GRID2: variants seen among roughly 807,000 people sequenced by gnomAD.
GRID2 encodes glutamate receptor ionotropic, delta-2.
GRID2 carries 33 observed loss-of-function variants against 114.8 expected under a neutral mutation model. The observed-to-expected ratio is 0.29, with a 90% CI of 0.22 to 0.38. The LOEUF (loss-of-function observed/expected upper bound fraction) is 0.38, where lower values mean the gene tolerates loss of function less well. Among genes scored for constraint, GRID2 ranks in the 10% least tolerant of loss-of-function variants. The probability of loss-of-function intolerance (pLI) is 1.00; values close to 1 mark genes in which losing one functional copy is unlikely to be tolerated. For synonymous variants in GRID2, 505 were observed against 449.9 expected (o/e 1.12, Z -1.55); for missense variants, 1,184 against 1,257.7 (o/e 0.94, Z 0.89).
chr4:93,329,404 A>C (rs561666767), intron 8 of GRID2, among the ~76,000 whole-genome samples: 2 of 152,100 alleles, frequency 1.3e-5, no homozygotes, highest in African/African-American at 4.8e-5. Flanking sequence ...GAATGTCTCT[A>C]TGTTTTTGAT....
Position 93,471,791 on chromosome 4 carries a change from C to T in GRID2, c.1858+15817C>T, listed in dbSNP as rs1322436129. ...TCTCGGCTCACTGCAACCTCCGCCTCCTGGGTTCAAGTGATTCTCCTTCCT... is the reference window on the plus strand; with the variant it reads ...TCTCGGCTCACTGCAACCTCCGCCTTCTGGGTTCAAGTGATTCTCCTTCCT... On this transcript the variant is annotated intron_variant, in intron 11 of 15. Coordinates refer to ENST00000282020, the MANE Select transcript of GRID2 (RefSeq NM_001510.4). 2.9e-5 allele frequency among the ~76,000 whole-genome samples: 4 copies of T among 137,786 alleles called. No individual in the cohort carries two copies. In the East Asian group the frequency reaches 8.4e-4, roughly 29 times the overall value. The allele number at this position is 137,786 out of a possible 152,430, so 90.4% of individuals were successfully genotyped here. A position where few individuals can be genotyped will look rare whatever the true frequency, so the allele number is the denominator to read the frequency against.
intron 2 of GRID2, among the ~76,000 whole-genome samples, chr4:92,845,900 T>G (rs1743282654): frequency 6.6e-6 from 1 of 152,156 alleles, no homozygotes; most frequent in South Asian, 2.1e-4. Flanking sequence ...CAATGTCTCT[T>G]CCATTTTATG....
intron 8 of GRID2, among the ~76,000 whole-genome samples, chr4:93,276,849 A>G (rs558784154): frequency 6.6e-6 from 1 of 152,046 alleles, no homozygotes; most frequent in South Asian, 2.1e-4. Flanking sequence ...TGGCTAGTAA[A>G]ACTTTTACTC....
chr4:93,534,671 G>A (rs1731846109), intron 13 of GRID2, among the ~76,000 whole-genome samples: 2 of 151,952 alleles, frequency 1.3e-5, no homozygotes, highest in Non-Finnish European at 2.9e-5. Context: ...TTGATAAAAA[G>A]CAAATGCCTC....
chr4:92,369,626 T>C (rs1174369916), intron 1 of GRID2, among the ~76,000 whole-genome samples: 1 of 152,120 alleles, frequency 6.6e-6, no homozygotes, highest in Non-Finnish European at 1.5e-5. Flanking sequence ...AGCTAATATA[T>C]TGCAAAAACT....
chr4:93,215,251 C>G (rs934586890), intron 5 of GRID2, among the ~76,000 whole-genome samples: 34 of 151,844 alleles, frequency 2.2e-4, no homozygotes, highest in African/African-American at 8.2e-4. Context: ...ATACATAAAA[C>G]AACTTAGTTA....
chr4:93,112,268 A>G (rs1732839868), intron 4 of GRID2: 1 of 152,086 alleles, frequency 6.6e-6, no homozygotes, highest in Non-Finnish European at 1.5e-5. Flanking sequence ...ACTTCGTGTC[A>G]TGGGTTAGGA....
intron 2 of GRID2, among the ~76,000 whole-genome samples, chr4:92,689,311 C>T (rs1266139110): frequency 6.6e-6 from 1 of 152,212 alleles, no homozygotes; most frequent in Non-Finnish European, 1.5e-5. Context: ...TCCTCTCTAG[C>T]TATGGAAGTC....
intron 2 of GRID2, among the ~76,000 whole-genome samples, chr4:92,732,011 A>G (rs982856053): frequency 2.6e-5 from 4 of 151,962 alleles, no homozygotes; most frequent in Admixed American, 6.6e-5. Flanking sequence ...ACTGTTAATA[A>G]GAAAAGAAAA....
At chr4:93,394,537 T>C (rs1765147212) in intron 8 of GRID2, among the ~76,000 whole-genome samples, 1 of 151,974 alleles carries the variant, frequency 6.6e-6, no homozygotes, top group South Asian at 2.1e-4. Flanking sequence ...GTAGATGACT[T>C]TGGAAGCTAC....
At chr4:93,021,019 C>T (rs375070774) in intron 2 of GRID2, among the ~76,000 whole-genome samples, 5 of 145,328 alleles carry the variant, frequency 3.4e-5, no homozygotes, top group South Asian at 2.2e-4. Context: ...GGTGACAGAG[C>T]GAGAATTTGT....
At chr4:93,526,233 G>A (rs1002535827) in intron 13 of GRID2, among the ~76,000 whole-genome samples, 30 of 152,152 alleles carry the variant, frequency 2.0e-4, no homozygotes, top group Admixed American at 1.2e-3. Flanking sequence ...ATATTTCCTC[G>A]ATTTCACACT....
At chr4:93,432,033 T>A (rs1369763698) in intron 10 of GRID2, among the ~76,000 whole-genome samples, 2 of 152,188 alleles carry the variant, frequency 1.3e-5, no homozygotes, top group Non-Finnish European at 2.9e-5. Flanking sequence ...AAATTGGAGA[T>A]TACGTATGTT....
At chr4:93,407,366 T>A (rs896464139) in intron 9 of GRID2, among the ~76,000 whole-genome samples, 1 of 145,828 alleles carries the variant, frequency 6.9e-6, no homozygotes, top group African/African-American at 2.8e-5. Flanking sequence ...CCCACCATAC[T>A]GCATGGAAGT....
intron 1 of GRID2, among the ~76,000 whole-genome samples, chr4:92,521,258 TCA>T (rs1344518197): frequency 6.6e-6 from 1 of 151,958 alleles, no homozygotes. Context: ...TATTGAAATT[TCA>T]CAGTTGTCTT....
chr4:92,886,228 T>C lies in GRID2; in HGVS notation c.245-198767T>C, dbSNP rs192150120. On this transcript the variant is annotated intron_variant, in intron 2 of 15. Coordinates refer to ENST00000282020, the MANE Select transcript of GRID2 (RefSeq NM_001510.4). Reference sequence around the variant, plus strand: ...TTTATTAGTCAATTTTGCCATCTTATATAAGCATGGTTTATATAAGCATGG... The same window carrying C: ...TTTATTAGTCAATTTTGCCATCTTACATAAGCATGGTTTATATAAGCATGG... Among the ~76,000 whole-genome samples, 27 of 152,280 alleles carry C rather than the reference T, an allele frequency of 1.8e-4. 1 individual carries two copies. The highest frequency in any genetic ancestry group is 8.5e-4 in the Admixed American group (13 of 15,288).
At chr4:92,933,164 C>CAT (rs904495377) in intron 2 of GRID2, among the ~76,000 whole-genome samples, 5 of 149,730 alleles carry the variant, frequency 3.3e-5, no homozygotes, top group South Asian at 4.2e-4. Context: ...TATATATACA[C>CAT]ATATATATAT....
At chr4:93,277,467 G>A (rs76465763) in intron 8 of GRID2, among the ~76,000 whole-genome samples, 178 of 150,672 alleles carry the variant, frequency 1.2e-3, no homozygotes, top group Middle Eastern at 0.01. Flanking sequence ...ACTTTCCATC[G>A]TCTTATTGTC....
At chr4:92,452,892 C>CAT (rs914949930) in intron 1 of GRID2, among the ~76,000 whole-genome samples, 37 of 143,424 alleles carry the variant, frequency 2.6e-4, no homozygotes, top group East Asian at 4.1e-4. Flanking sequence ...ATATATTTAC[C>CAT]ATATATATAT....
Sources: gnomAD v4.1 joint callset for allele counts (sites outside exome capture counted in the v4.1 genomes callset) on GRCh38, gnomAD v4.1.1 for gene constraint, MANE v1.5 for transcripts, NCBI Gene and HGNC (gene_info 2026-07-23, HGNC 2026-07-21) for gene names.